The following PRDM15 variants were observed in gnomAD, a reference collection of about 807,000 sequenced individuals.
The protein encoded by PRDM15 is PR/SET domain 15.
PRDM15 carries 64 observed loss-of-function variants against 128.6 expected under a neutral mutation model. The observed-to-expected ratio is 0.50, with a 90% CI of 0.41 to 0.61. The LOEUF (loss-of-function observed/expected upper bound fraction) is 0.61, where lower values mean the gene tolerates loss of function less well. Ranked by LOEUF, PRDM15 falls within the 20% of genes least tolerant of loss-of-function variation. The pLI is 0.00. For missense variants in PRDM15, 1,242 were observed against 1,569.1 expected (o/e 0.79, Z 3.52); for synonymous variants, 615 against 621.8 (o/e 0.99, Z 0.16).
rs1165072398 is a variant in PRDM15, at chr21:41,859,761, C to A, written c.38-76G>T. The A allele has an allele frequency of 3.2e-6, 4 of 1,261,328 alleles. No individual in the cohort carries two copies. Among genetic ancestry groups the A allele is most frequent in the South Asian group, 2.5e-5 (2 of 79,672 alleles). The allele number at this position is 1,261,328 out of a possible 1,614,324, so 78.1% of individuals were successfully genotyped here. On this transcript the variant is annotated intron_variant, in intron 2 of 23. Transcript: ENST00000398548. This position sits in a 1 kb window ranked among gnomAD's most constrained non-coding sequence, Gnocchi z 5.3. Reference sequence around the variant, plus strand: ...AGAACACAAACCTGGGAAATGGGGACCCTGGCCCCATGAGGGTGACCCAGA... The same window carrying A: ...AGAACACAAACCTGGGAAATGGGGAACCTGGCCCCATGAGGGTGACCCAGA...
At chr21:41,833,665 A>T (rs1340027016) in intron 11 of PRDM15, among the ~76,000 whole-genome samples, 2 of 152,146 alleles carry the variant, frequency 1.3e-5, no homozygotes, top group Non-Finnish European at 2.9e-5. Context: ...AGAACATCTC[A>T]GGGGAAGAGG....
chr21:41,837,589 G>A (rs1188910466), intron 8 of PRDM15, among the ~76,000 whole-genome samples: 1 of 152,084 alleles, frequency 6.6e-6, no homozygotes, highest in East Asian at 1.9e-4. Flanking sequence ...TGGGAAGACG[G>A]GAAAGTTCCA....
chr21:41,806,039 C>CCACCAT (rs1568879958), intron 21 of PRDM15, among the ~76,000 whole-genome samples: 1 of 29,070 alleles, frequency 3.4e-5, no homozygotes. Context: ...ACCATCACCA[C>CCACCAT]CACCATCACC....
intron 11 of PRDM15, among the ~76,000 whole-genome samples, chr21:41,829,558 C>A (rs2062609589): frequency 6.7e-6 from 1 of 149,320 alleles, no homozygotes; most frequent in Non-Finnish European, 1.5e-5. Flanking sequence ...ACATACACCA[C>A]ATACACAACC....
At chr21:41,809,846 G>T (rs2061804251) in intron 21 of PRDM15, among the ~76,000 whole-genome samples, 1 of 152,212 alleles carries the variant, frequency 6.6e-6, no homozygotes, top group South Asian at 2.1e-4. Context: ...CCCCCATTTT[G>T]CACATTAGTT....
intron 10 of PRDM15, 53 bp from the exon 11 acceptor site, chr21:41,835,577 T>C (rs1255821747): frequency 1.3e-6 from 2 of 1,501,240 alleles, no homozygotes; most frequent in African/African-American, 1.4e-5. Context: ...AGTCCACAGA[T>C]GCCGAGCCCC....
chr21:41,835,988 CCACAGCCCCCGCCCA>C, intron 10 of PRDM15, 110 bp downstream of exon 10: 1 of 430,424 alleles, frequency 2.3e-6, no homozygotes, highest in Non-Finnish European at 4.6e-6. Context: ...CCTCCCTCCC[CCACAGCCCCCGCCCA>C]CTCTCCTCCC....
Position 41,810,850 on chromosome 21 carries a change from C to A in PRDM15, c.2393-14G>T, listed in dbSNP as rs577625003. ...AATCTTTAATCCCTGCAGAGAAAGG[C>A]GCACATAACTTCCTACGTTTAATGA... On this transcript the variant is annotated splice_polypyrimidine_tract_variant and intron_variant, in intron 19 of 23. Transcript: ENST00000398548. The surrounding 1 kb of genome is among the most constrained non-coding windows in gnomAD (Gnocchi z 6.4). 8.1e-6 allele frequency: 13 copies of A among 1,612,600 alleles called. No homozygotes were observed. Among genetic ancestry groups the A allele is most frequent in the Non-Finnish European group, 2.5e-6 (3 of 1,178,806 alleles).
In PRDM15 at chr21:41,879,012, G is replaced by A; in HGVS notation, c.-10+258C>T. On this transcript the variant is annotated intron_variant, in intron 1 of 23. Transcript: ENST00000398548. This position sits in a 1 kb window ranked among gnomAD's most constrained non-coding sequence, Gnocchi z 5.1. ...CGGCGGGACCCGGCGGGCGGGCGGC[G>A]CGCAGGGCGATCCCGGAGCGGCTCC... 1 of 1,041,586 alleles carries A rather than the reference G, an allele frequency of 9.6e-7. No individual in the cohort carries two copies. Among genetic ancestry groups the A allele is most frequent in the Non-Finnish European group, 1.2e-6 (1 of 855,524 alleles). The allele number at this position is 1,041,586 out of a possible 1,614,324, so 64.5% of individuals were successfully genotyped here. A position where few individuals can be genotyped will look rare whatever the true frequency, so the allele number is the denominator to read the frequency against.
At chr21:41,860,425 T>C (rs1569004399) in intron 1 of PRDM15, 53 bp from the exon 2 acceptor site, 5 of 1,549,950 alleles carry the variant, frequency 3.2e-6, no homozygotes, top group South Asian at 2.2e-5. Flanking sequence ...CAAAATACTT[T>C]TGTTTTGTTT....
intron 1 of PRDM15, chr21:41,878,887 GC>G: frequency 1.0e-6 from 1 of 957,934 alleles, no homozygotes; most frequent in Non-Finnish European, 1.2e-6. Flanking sequence ...GGCGAGCGCG[GC>G]CCGGCAGCCC....
In PRDM15 at chr21:41,810,581, T is replaced by C. The variant is rs2061833237; in HGVS notation, c.2476+172A>G. The C allele has an allele frequency of 1.6e-6, 1 of 643,470 alleles. No homozygotes were observed. The highest frequency in any genetic ancestry group is 2.7e-6 in the Non-Finnish European group (1 of 373,412). 39.9% of individuals were successfully genotyped at this position (643,470 alleles called of 1,614,324 possible). A position where few individuals can be genotyped will look rare whatever the true frequency, so the allele number is the denominator to read the frequency against. The stretch of plus-strand genomic sequence containing the variant: ...AATTCAAGAAGGGATACTTGAAAGC[T>C]GTGGCGGGTTGACCTTCAGAGGCCA... On this transcript the variant is annotated intron_variant, in intron 20 of 23. Transcript: ENST00000398548. The surrounding 1 kb of genome is among the most constrained non-coding windows in gnomAD (Gnocchi z 6.4).
Position 41,798,826 on chromosome 21 carries a change from G to GGGT in PRDM15, c.*2411_*2413dup, listed in dbSNP as rs1216306749. On this transcript the variant is annotated 3_prime_UTR_variant, in exon 24 of 24. Transcript: ENST00000398548. ...CGTATAGGTGAGGACTCTTCTGCCT[G>GGGT]GGTGGTACATGGTTGTTGTATTTTG... The GGGT allele has an allele frequency of 1.3e-5, 2 of 152,246 alleles. No individual in the cohort carries two copies. Among genetic ancestry groups the GGGT allele is most frequent in the Admixed American group, 6.5e-5 (1 of 15,280 alleles). 9.4% of individuals were successfully genotyped at this position (152,246 alleles called of 1,614,324 possible).
intron 21 of PRDM15, among the ~76,000 whole-genome samples, chr21:41,806,409 CCAT>C (rs2061633108): frequency 1.9e-4 from 5 of 26,366 alleles, no homozygotes; most frequent in Non-Finnish European, 2.0e-4. Context: ...ACCACCACCA[CCAT>C]CACCACCACC....
In PRDM15 at chr21:41,828,858, C is replaced by T. The variant is rs564261424; in HGVS notation, c.1367-525G>A. ...GCGGGCATCAATGTGCCCATATTCC[C>T]CCCTTCACCCAAATCCTCCTCAGCA... On this transcript the variant is annotated intron_variant, in intron 11 of 23. Transcript: ENST00000398548. This position sits in a 1 kb window ranked among gnomAD's most constrained non-coding sequence, Gnocchi z 5.7. 4.6e-5 allele frequency among the ~76,000 whole-genome samples: 7 copies of T among 152,126 alleles called. No individual in the cohort carries two copies. Among genetic ancestry groups the T allele is most frequent in the African/African-American group, 9.6e-5 (4 of 41,458 alleles).
intron 6 of PRDM15, among the ~76,000 whole-genome samples, chr21:41,843,687 C>A (rs1429409545): frequency 6.6e-6 from 1 of 152,202 alleles, no homozygotes; most frequent in Admixed American, 6.5e-5. Flanking sequence ...AGAGACAGCA[C>A]AAGTTTGGCC....
At chr21:41,875,816 C>A (rs565256242) in intron 1 of PRDM15, among the ~76,000 whole-genome samples, 1 of 152,198 alleles carries the variant, frequency 6.6e-6, no homozygotes, top group South Asian at 2.1e-4. Context: ...GCTGTGCTAA[C>A]GTCTCCCGAA....
At chr21:41,807,186 G>T (rs1393728815) in intron 21 of PRDM15, among the ~76,000 whole-genome samples, 2 of 152,138 alleles carry the variant, frequency 1.3e-5, no homozygotes, top group African/African-American at 4.8e-5. Flanking sequence ...ACTCTTCTTA[G>T]GATATAAGAA....
chr21:41,834,841 G>A (rs1812634164), intron 11 of PRDM15, among the ~76,000 whole-genome samples: 1 of 152,226 alleles, frequency 6.6e-6, no homozygotes, highest in South Asian at 2.1e-4. Context: ...CGCCCCCCAG[G>A]CCCGAAGAGG....
Sources: gnomAD v4.1 joint callset for allele counts (sites outside exome capture counted in the v4.1 genomes callset) on GRCh38, gnomAD v4.1.1 for gene constraint, Gnocchi (gnomAD v3.1) non-coding constraint, MANE v1.5 for transcripts, NCBI Gene and HGNC (gene_info 2026-07-23, HGNC 2026-07-21) for gene names.